MAST2: variants seen among roughly 807,000 people sequenced by gnomAD.
MAST2 encodes the protein microtubule associated serine/threonine kinase 2.
A neutral mutation model predicts 147.4 loss-of-function variants in MAST2; 70 were observed. The ratio of observed to expected loss-of-function variants is 0.47; its 90% confidence interval spans 0.39 to 0.58. MAST2 has a LOEUF of 0.58. Ranked by LOEUF, MAST2 falls within the 20% of genes least tolerant of loss-of-function variation. The pLI is 0.00. For synonymous variants in MAST2, 869 were observed against 896.8 expected (o/e 0.97, Z 0.55); for missense variants, 2,080 against 2,302.3 (o/e 0.90, Z 1.98).
chr1:45,829,309 TA>T, intron 2 of MAST2, 129 bp from the exon 3 acceptor site: 1 of 780,750 alleles, frequency 1.3e-6, no homozygotes, highest in Non-Finnish European at 1.9e-6. Flanking sequence ...TAATAGATTC[TA>T]AAATGGATGT....
At chr1:45,878,049 C>A (rs1025851574) in intron 3 of MAST2, among the ~76,000 whole-genome samples, 6 of 151,730 alleles carry the variant, frequency 4.0e-5, no homozygotes, top group African/African-American at 1.5e-4. Context: ...ACTAAAAATA[C>A]AAAAATTAGC....
intron 3 of MAST2, among the ~76,000 whole-genome samples, chr1:45,882,012 T>TA (rs71062722): frequency 0.088 from 3,493 of 39,770 alleles, 491 homozygotes; most frequent in East Asian, 0.32. Flanking sequence ...CCGTCTCTAC[T>TA]AAAAAAAAAA....
chr1:45,994,666 C>T (rs1380693902), intron 5 of MAST2, among the ~76,000 whole-genome samples: 1 of 151,972 alleles, frequency 6.6e-6, no homozygotes, highest in African/African-American at 2.4e-5. Flanking sequence ...ATATCATTAG[C>T]GTAAAGTATC....
rs1175705507 is a variant in MAST2, at chr1:46,023,953, T to C, written c.1753T>C (p.Leu585=). Residue 585 remains leucine (L), a synonymous_variant, in exon 15 of 29, where the codon TTG becomes CTG. Coordinates refer to ENST00000361297, the MANE Select transcript of MAST2 (RefSeq NM_015112.3). The surrounding 1 kb of genome is among the most constrained non-coding windows in gnomAD (Gnocchi z 4.9). ...CTGCTCCTTTGATACCAAGCGCCAC[T>C]TGTGCATGGTGATGGAGTACGTTGA... ...MFCSFDTKRH[L]CMVMEYVEGG... is the part of the protein sequence containing the mutation. The C allele has an allele frequency of 8.7e-6, 14 of 1,614,060 alleles. No individual in the cohort carries two copies. The highest frequency in any genetic ancestry group is 1.3e-5 in the African/African-American group (1 of 74,938).
At chr1:45,915,536 C>G (rs1427249904) in intron 4 of MAST2, among the ~76,000 whole-genome samples, 5 of 152,044 alleles carry the variant, frequency 3.3e-5, no homozygotes, top group Admixed American at 2.6e-4. Flanking sequence ...CGGTGAAACT[C>G]TGTCTCTACT....
At chr1:45,932,543 C>T (rs1655475697) in intron 4 of MAST2, among the ~76,000 whole-genome samples, 1 of 152,048 alleles carries the variant, frequency 6.6e-6, no homozygotes. Flanking sequence ...CGTGGTGGCT[C>T]ACGCCTGTAA....
rs1646699797 is a variant in MAST2 at position 46,032,235 on chromosome 1, A to G, written c.3245A>G (p.Asn1082Ser). The G allele has an allele frequency of 6.2e-7, 1 of 1,613,962 alleles. No individual in the cohort carries two copies. The highest frequency in any genetic ancestry group is 8.5e-7 in the Non-Finnish European group (1 of 1,179,968). ...ATGTCCCCACATTCTCAGTCGTCCAACCCATCATCCCGGGACTCTTCTCCA... is the reference window on the plus strand; with the variant it reads ...ATGTCCCCACATTCTCAGTCGTCCAGCCCATCATCCCGGGACTCTTCTCCA... ...SPMSPHSQSS[N>S]PSSRDSSPSR... Residue 1082 changes from asparagine (N) to serine (S), a missense_variant, in exon 25 of 29, where the codon AAC becomes AGC. By Grantham distance (46) the Asn-to-Ser change is conservative. This residue lies in a region of MAST2 where 1,278 missense variants were observed against 1,304.2 expected (regional missense o/e 0.98). Coordinates refer to ENST00000361297, the MANE Select transcript of MAST2 (RefSeq NM_015112.3).
chr1:45,899,225 T>A (rs190826136), intron 4 of MAST2, among the ~76,000 whole-genome samples: 18 of 152,240 alleles, frequency 1.2e-4, no homozygotes, highest in Admixed American at 5.9e-4. Context: ...CAATTTTTTT[T>A]AATTAAATTT....
chr1:45,810,450 G>T (rs759866583), intron 1 of MAST2, among the ~76,000 whole-genome samples: 1 of 152,154 alleles, frequency 6.6e-6, no homozygotes, highest in South Asian at 2.1e-4. Context: ...AGAGCTTTAC[G>T]TTGAAGGTGT....
At chr1:45,811,880 T>C (rs762044179) in intron 1 of MAST2, among the ~76,000 whole-genome samples, 68 of 151,524 alleles carry the variant, frequency 4.5e-4, no homozygotes, top group Non-Finnish European at 8.2e-4. Flanking sequence ...GTGATCCGCC[T>C]GTCTCGGCCT....
Position 46,031,036 on chromosome 1 carries a change from C to A in MAST2, c.2738C>A (p.Ser913Ter). The change falls in exon 23 of 29, where the codon TCA becomes TAA. Residue 913 changes from serine (S) to a stop codon, truncating the protein, a stop_gained. Transcript: ENST00000361297. LOFTEE classifies it high-confidence loss of function. The surrounding 1 kb of genome is among the most constrained non-coding windows in gnomAD (Gnocchi z 4.1). Reference sequence around the variant, plus strand: ...CGGAAGCGGCTGTCGGTGTCTGAGTCATCCCACACAGAGAGTGACTCAAGC... The same window carrying A: ...CGGAAGCGGCTGTCGGTGTCTGAGTAATCCCACACAGAGAGTGACTCAAGC... ...ILRKRLSVSE[S>*]SHTESDSSPP... 6.2e-7 allele frequency: 1 copy of A among 1,613,684 alleles called. No homozygotes were observed. The highest frequency in any genetic ancestry group is 1.1e-5 in the South Asian group (1 of 91,022).
rs138563446 is a variant in MAST2 at position 45,953,806 on chromosome 1, A to G, written c.501-5580A>G. On this transcript the variant is annotated intron_variant, in intron 4 of 28. Coordinates refer to ENST00000361297, the MANE Select transcript of MAST2 (RefSeq NM_015112.3). Reference sequence around the variant, plus strand: ...TTAAGAACAGATTAGGGTAGAAGACAAGAGTAAACCAGAGAGACTAGTTAG... The same window carrying G: ...TTAAGAACAGATTAGGGTAGAAGACGAGAGTAAACCAGAGAGACTAGTTAG... Among the ~76,000 whole-genome samples, 302 of 152,338 alleles carry G rather than the reference A, an allele frequency of 2.0e-3. 1 individual carries two copies. The highest frequency in any genetic ancestry group is 6.8e-3 in the African/African-American group (281 of 41,588).
Position 46,034,123 on chromosome 1 carries a change from T to C in MAST2, c.3725T>C (p.Leu1242Pro), listed in dbSNP as rs199806500. 37 of 1,614,066 alleles carry C rather than the reference T, an allele frequency of 2.3e-5. No individual in the cohort carries two copies. Among genetic ancestry groups the C allele is most frequent in the Non-Finnish European group, 7.6e-6 (9 of 1,179,984 alleles). The change falls in exon 28 of 29, where the codon CTC becomes CCC. Residue 1242 changes from leucine to proline, a missense_variant. Around this residue, in one of 4 missense-constraint regions of MAST2, gnomAD observed 1,278 missense variants for 1,304.2 expected, o/e 0.98. Transcript: ENST00000361297. ...FRKITKQASLLHTSRSLSSLN... is the reference protein window; with the variant it reads ...FRKITKQASLPHTSRSLSSLN... The stretch of plus-strand genomic sequence containing the variant: ...AAGATCACCAAGCAAGCATCCCTGC[T>C]CCACACCAGCCGCAGCCTTTCTTCC...
chr1:46,029,043 GTGTT>G, intron 18 of MAST2, 110 bp downstream of exon 18: 1 of 1,240,402 alleles, frequency 8.1e-7, no homozygotes, highest in Non-Finnish European at 1.1e-6. Context: ...CTCATCATGT[GTGTT>G]TGTGATGTCT....
chr1:45,902,462 G>T (rs561454140), intron 4 of MAST2, among the ~76,000 whole-genome samples: 3 of 152,142 alleles, frequency 2.0e-5, no homozygotes, highest in African/African-American at 7.2e-5. Context: ...GTCCTTCTCA[G>T]ATTTTGGTAT....
chr1:45,865,201 T>C, intron 3 of MAST2: 1 of 446,156 alleles, frequency 2.2e-6, no homozygotes, highest in Admixed American at 2.5e-5. Context: ...GTAAATGTAC[T>C]GAACAGATTG....
intron 2 of MAST2, among the ~76,000 whole-genome samples, chr1:45,827,103 C>T (rs984914850): frequency 2.0e-5 from 3 of 152,200 alleles, no homozygotes; most frequent in African/African-American, 4.8e-5. Context: ...GCTGGAATTA[C>T]AGGCGGGAGC....
intron 3 of MAST2, among the ~76,000 whole-genome samples, chr1:45,875,275 G>T (rs1646557018): frequency 6.6e-6 from 1 of 152,056 alleles, no homozygotes. Context: ...GGGAAACCCT[G>T]TCTCTACTAA....
chr1:45,914,680 T>A (rs1403370011), intron 4 of MAST2, among the ~76,000 whole-genome samples: 1 of 152,156 alleles, frequency 6.6e-6, no homozygotes, highest in Non-Finnish European at 1.5e-5. Context: ...GATGTTGCCC[T>A]TCAGTGTCTG....
Sources: allele counts gnomAD v4.1 joint callset (sites outside exome capture counted in the v4.1 genomes callset), GRCh38; gene constraint gnomAD v4.1.1; regional missense constraint gnomAD v4.1.1; non-coding constraint Gnocchi (gnomAD v3.1); transcripts MANE v1.5; gene names NCBI Gene and HGNC (gene_info 2026-07-23, HGNC 2026-07-21).